The following ANKRD12 variants were observed in gnomAD, a reference collection of about 807,000 sequenced individuals.
ANKRD12 encodes the protein ankyrin repeat domain-containing protein 12.
In ANKRD12, 85 loss-of-function variants were observed where a neutral mutation model predicts 183.4. That is an observed-to-expected ratio of 0.46 (90% CI 0.39 to 0.56). The LOEUF is 0.56. Ranked by LOEUF, ANKRD12 falls within the 20% of genes least tolerant of loss-of-function variation. The probability of loss-of-function intolerance (pLI) is 0.00; values close to 1 mark genes in which losing one functional copy is unlikely to be tolerated. For synonymous variants in ANKRD12, 914 were observed against 800.2 expected (o/e 1.14, Z -2.40); for missense variants, 2,405 against 2,357.1 (o/e 1.02, Z -0.42).
chr18:9,262,251 C>T (rs1428716818), intron 9 of ANKRD12, among the ~76,000 whole-genome samples: 5 of 152,108 alleles, frequency 3.3e-5, no homozygotes. Flanking sequence ...ACCTGGTTGT[C>T]CTACTTTCAT....
At chr18:9,214,386 C>T (rs529580987) in intron 6 of ANKRD12, among the ~76,000 whole-genome samples, 39 of 152,202 alleles carry the variant, frequency 2.6e-4, no homozygotes, top group African/African-American at 9.1e-4. Context: ...ACATATTATA[C>T]TCCTGTAATA....
At chr18:9,236,944 G>T (rs1331740050) in intron 8 of ANKRD12, among the ~76,000 whole-genome samples, 2 of 152,132 alleles carry the variant, frequency 1.3e-5, no homozygotes, top group Non-Finnish European at 2.9e-5. Flanking sequence ...TGAGAGAAAA[G>T]AACTGCAACA....
chr18:9,187,847 A>G (rs2034194130), intron 2 of ANKRD12, among the ~76,000 whole-genome samples: 1 of 152,236 alleles, frequency 6.6e-6, no homozygotes, highest in African/African-American at 2.4e-5. Flanking sequence ...TATTTTAACC[A>G]TCTGAATAGT....
At position 9,265,493 on chromosome 18, in the gene ANKRD12, G is replaced by A. The variant is rs554098435; in HGVS notation, c.5763+1605G>A. ...CAATATCTGCTGTTCTGCAGTCTCC[G>A]CTGCTGTTACCCACACAAACGGTCT... On this transcript the variant is annotated intron_variant, in intron 10 of 12. Coordinates refer to ENST00000262126, the MANE Select transcript of ANKRD12 (RefSeq NM_015208.5). Among the ~76,000 whole-genome samples, 6 of 152,242 alleles carry A rather than the reference G, an allele frequency of 3.9e-5. No individual in the cohort carries two copies. In the East Asian group the frequency reaches 5.8e-4, roughly 15 times the overall value.
chr18:9,272,085 A>G (rs1443229276), intron 10 of ANKRD12, among the ~76,000 whole-genome samples: 2 of 152,194 alleles, frequency 1.3e-5, no homozygotes, highest in Non-Finnish European at 2.9e-5. Context: ...AGAGGAAGCA[A>G]TACATTGGCA....
At chr18:9,280,904 CAG>C (rs1568013488) in intron 12 of ANKRD12, 35 bp from the exon 13 acceptor site, 1 of 1,577,334 alleles carries the variant, frequency 6.3e-7, no homozygotes, top group East Asian at 2.2e-5. Flanking sequence ...GCAAAGTTAA[CAG>C]AATAATCAAG....
At chr18:9,149,945 G>A (rs993570946) in intron 1 of ANKRD12, among the ~76,000 whole-genome samples, 6 of 151,358 alleles carry the variant, frequency 4.0e-5, no homozygotes, top group Non-Finnish European at 5.9e-5. Flanking sequence ...ACAGGCATGC[G>A]CCCACCACGC....
chr18:9,220,415 A>G (rs1282030982), intron 7 of ANKRD12, among the ~76,000 whole-genome samples: 1 of 152,164 alleles, frequency 6.6e-6, no homozygotes, highest in Non-Finnish European at 1.5e-5. Flanking sequence ...GTGTTAATGG[A>G]AATGCACAAA....
chr18:9,214,215 T>C (rs2035964404), intron 6 of ANKRD12, among the ~76,000 whole-genome samples: 1 of 152,100 alleles, frequency 6.6e-6, no homozygotes, highest in South Asian at 2.1e-4. Context: ...ACTAGTCTGT[T>C]CTATCACTTA....
At chr18:9,250,559 AAAAG>A (rs1567964846) in intron 8 of ANKRD12, among the ~76,000 whole-genome samples, 4 of 152,106 alleles carry the variant, frequency 2.6e-5, no homozygotes, top group African/African-American at 9.7e-5. Context: ...TCTCCACAAA[AAAAG>A]AAGAAACTAG....
At chr18:9,180,485 GTTCT>G (rs1179044014) in intron 1 of ANKRD12, among the ~76,000 whole-genome samples, 2 of 151,546 alleles carry the variant, frequency 1.3e-5, no homozygotes, top group African/African-American at 2.4e-5. Context: ...TTATAATTTT[GTTCT>G]TTCTGTTTTT....
intron 1 of ANKRD12, among the ~76,000 whole-genome samples, chr18:9,159,893 C>T (rs190018387): frequency 1.4e-3 from 207 of 151,994 alleles, no homozygotes; most frequent in Middle Eastern, 3.4e-3. Flanking sequence ...CAGCCTCAAA[C>T]TCCTGGGCTC....
At chr18:9,151,238 A>C (rs1241735953) in intron 1 of ANKRD12, among the ~76,000 whole-genome samples, 1 of 152,180 alleles carries the variant, frequency 6.6e-6, no homozygotes, top group Non-Finnish European at 1.5e-5. Context: ...ACCACTTTAA[A>C]AATGTGAGGG....
At chr18:9,188,727 C>A (rs989795793) in intron 2 of ANKRD12, among the ~76,000 whole-genome samples, 1 of 152,198 alleles carries the variant, frequency 6.6e-6, no homozygotes, top group Non-Finnish European at 1.5e-5. Context: ...ATATTTCCAA[C>A]TTTTTCATTA....
rs1320418070 is a variant in ANKRD12 at position 9,275,685 on chromosome 18, A to G, written c.5907+18A>G. The G allele has an allele frequency of 2.6e-6, 4 of 1,543,522 alleles. No homozygotes were observed. Among genetic ancestry groups the G allele is most frequent in the Non-Finnish European group, 3.5e-6 (4 of 1,133,062 alleles). On this transcript the variant is annotated intron_variant, in intron 11 of 12. Transcript: ENST00000262126. ...ACTCTCAGGTAAAATGTTTGTTGATACATTTAGAAGTAATGGTCTGAAAAA... is the reference window on the plus strand; with the variant it reads ...ACTCTCAGGTAAAATGTTTGTTGATGCATTTAGAAGTAATGGTCTGAAAAA...
chr18:9,137,131 C>G (rs1305519361), intron 1 of ANKRD12, 166 bp downstream of exon 1: 1 of 151,998 alleles, frequency 6.6e-6, no homozygotes, highest in Non-Finnish European at 1.5e-5. Context: ...CCCCCGGTCC[C>G]GACGCGCCGC....
rs191395343 is a variant in ANKRD12, at chr18:9,167,527, T to C, written c.-51-14855T>C. On this transcript the variant is annotated intron_variant, in intron 1 of 12. Transcript: ENST00000262126. ...GATTTGGCTCTCTGTTTGTTTGTTATTGGTGTTTAAGAATGCTTGTGATTT... is the reference window on the plus strand; with the variant it reads ...GATTTGGCTCTCTGTTTGTTTGTTACTGGTGTTTAAGAATGCTTGTGATTT... Among the ~76,000 whole-genome samples the C allele has an allele frequency of 6.3e-3, 964 of 152,324 alleles. 7 individuals are homozygous for C. The highest frequency in any genetic ancestry group is 0.017 in the Middle Eastern group (5 of 294).
chr18:9,164,309 T>G (rs1040046134), intron 1 of ANKRD12, among the ~76,000 whole-genome samples: 3 of 152,202 alleles, frequency 2.0e-5, no homozygotes, highest in Non-Finnish European at 4.4e-5. Context: ...TCTGTGTATG[T>G]GATGAATTAC....
At chr18:9,209,675 A>G (rs973312473) in intron 5 of ANKRD12, among the ~76,000 whole-genome samples, 4 of 152,144 alleles carry the variant, frequency 2.6e-5, no homozygotes, top group African/African-American at 7.2e-5. Context: ...ACTCACTCCT[A>G]CCTTTTCCAC....
Sources: gnomAD v4.1 joint callset for allele counts (sites outside exome capture counted in the v4.1 genomes callset) on GRCh38, gnomAD v4.1.1 for gene constraint, MANE v1.5 for transcripts, NCBI Gene and HGNC (gene_info 2026-07-23, HGNC 2026-07-21) for gene names.